Variants in MYO16 observed in about 807,000 individuals in gnomAD.
MYO16 encodes the protein myosin XVI.
MYO16 carries 94 observed loss-of-function variants against 205.3 expected under a neutral mutation model. The ratio of observed to expected loss-of-function variants is 0.46; its 90% CI spans 0.39 to 0.54. MYO16 has a LOEUF of 0.54. MYO16 is among the 20% of genes least tolerant of loss of function. The pLI is 0.00. For synonymous variants in MYO16, 988 were observed against 954.0 expected, an observed-to-expected ratio of 1.04 and a Z score of -0.66; for missense variants, 2,315 against 2,387.5, an observed-to-expected ratio of 0.97 and a Z score of 0.63.
chr13:108,781,639 T>A (rs1886307806), intron 4 of MYO16, among the ~76,000 whole-genome samples: 1 of 152,176 alleles, frequency 6.6e-6, no homozygotes, highest in South Asian at 2.1e-4. Context: ...TTTTACTGTC[T>A]TTCTCTGGGA....
In MYO16 at chr13:108,640,569, A is replaced by G. The variant is rs572226144; in HGVS notation, c.28+10697A>G. 1.5e-3 allele frequency among the ~76,000 whole-genome samples: 224 copies of G among 152,340 alleles called. 3 individuals are homozygous for G. Among genetic ancestry groups the G allele is most frequent in the Non-Finnish European group, 2.5e-3 (171 of 68,026 alleles). On this transcript the variant is annotated intron_variant, in intron 1 of 34. Transcript: ENST00000457511. ...AAATTTACTGCAGCAAAAGTAGGTC[A>G]CATGTGCTGATATGTGCATCTTCTT...
chr13:108,572,163 G>A, the MYO16 span, among the ~76,000 whole-genome samples: 8 of 152,090 alleles, frequency 5.3e-5, no homozygotes, highest in African/African-American at 1.9e-4. Context: ...CTGCCCTCAA[G>A]TGACTCTCCT....
chr13:108,665,853 G>A, intron 1 of MYO16, 33 bp from the exon 2 acceptor site: 1 of 1,598,118 alleles, frequency 6.3e-7, no homozygotes, highest in Non-Finnish European at 8.5e-7. Context: ...TATAATAATA[G>A]GTCTGGTGAC....
chr13:108,856,869 G>T (rs1476794011), intron 11 of MYO16, among the ~76,000 whole-genome samples: 2 of 152,100 alleles, frequency 1.3e-5, no homozygotes, highest in Non-Finnish European at 2.9e-5. Context: ...ATCTCACAAT[G>T]AACTAGAGTA....
chr13:108,699,385 T>A (rs1057291220), intron 2 of MYO16, among the ~76,000 whole-genome samples: 6 of 152,124 alleles, frequency 3.9e-5, no homozygotes, highest in African/African-American at 1.4e-4. Context: ...TGTCAGTTCT[T>A]TTTGTTTATT....
intron 9 of MYO16, among the ~76,000 whole-genome samples, chr13:108,828,348 G>A (rs1023697162): frequency 6.6e-6 from 1 of 152,106 alleles, no homozygotes; most frequent in African/African-American, 2.4e-5. Flanking sequence ...GTGCTTATGG[G>A]CAGAGACTCC....
chr13:109,046,916 G>A lies in MYO16; in HGVS notation c.2797G>A (p.Val933Ile), dbSNP rs1887062593. 1 of 1,599,896 alleles carries A rather than the reference G, an allele frequency of 6.3e-7. No individual in the cohort carries two copies. Among genetic ancestry groups the A allele is most frequent in the East Asian group, 2.2e-5 (1 of 44,698 alleles). ...ATTATGCTGCTTTCTTTTATTCTAG[G>A]TAATGTATGATGTTGTTGGGGCGAT... ...AFTIMHYAGR[V>I]MYDVVGAIEK... The change falls in exon 24 of 35, where the codon GTA becomes ATA. Residue 933 changes from valine (V) to isoleucine (I), a missense_variant and splice_region_variant. This residue lies in a region of MYO16 where 1,213 missense variants were observed against 1,274.4 expected (regional missense o/e 0.95). Coordinates refer to ENST00000457511, the MANE Select transcript of MYO16 (RefSeq NM_001198950.3).
chr13:108,702,341 A>T (rs964934045), intron 2 of MYO16, among the ~76,000 whole-genome samples: 1 of 152,228 alleles, frequency 6.6e-6, no homozygotes, highest in Admixed American at 6.5e-5. Flanking sequence ...CCTCCAGAAG[A>T]TTAACAGCTG....
At chr13:109,110,861 G>C (rs1889263381) in intron 28 of MYO16, among the ~76,000 whole-genome samples, 1 of 152,176 alleles carries the variant, frequency 6.6e-6, no homozygotes, top group Admixed American at 6.5e-5. Context: ...TGAGCTTGTT[G>C]AAAGGATAGA....
Position 108,959,116 on chromosome 13 carries a change from C to T in MYO16, c.2037+1317C>T, listed in dbSNP as rs190248267. 2.7e-3 allele frequency among the ~76,000 whole-genome samples: 407 copies of T among 152,200 alleles called. 1 individual carries two copies. The highest frequency in any genetic ancestry group is 4.7e-3 in the Non-Finnish European group (319 of 68,012). Reference sequence around the variant, plus strand: ...CACCCTAAATGAGTGAATGCAGGGGCACCTTGCTGCACCCACCCTTGCTGT... The same window carrying T: ...CACCCTAAATGAGTGAATGCAGGGGTACCTTGCTGCACCCACCCTTGCTGT... On this transcript the variant is annotated intron_variant, in intron 17 of 34. Transcript: ENST00000457511.
At chr13:108,882,184 C>T (rs1218261644) in intron 12 of MYO16, among the ~76,000 whole-genome samples, 1 of 152,172 alleles carries the variant, frequency 6.6e-6, no homozygotes, top group Non-Finnish European at 1.5e-5. Flanking sequence ...CAAAGGTATT[C>T]TCCTGTGTAA....
rs762356419 is a variant in MYO16, at chr13:108,785,672, A to G, written c.545A>G (p.Asn182Ser). 1.7e-5 allele frequency: 27 copies of G among 1,613,240 alleles called. No individual in the cohort carries two copies. The highest frequency in any genetic ancestry group is 2.2e-5 in the Non-Finnish European group (26 of 1,179,758). ...ANVLLQDVNG[N>S]IPLDYAVEGT... ...GTCCTTCTCCAGGATGTGAATGGAA[A>G]TATCCCATTAGATTATGCTGTAGAA... is the stretch of plus-strand genomic sequence containing the variant. Residue 182 changes from asparagine to serine, a missense_variant, in exon 5 of 35, where the codon AAT becomes AGT. By Grantham distance (46) the Asn-to-Ser change is conservative. Around this residue, in one of 3 missense-constraint regions of MYO16, gnomAD observed 1,213 missense variants for 1,274.4 expected, o/e 0.95. Coordinates refer to ENST00000457511, the MANE Select transcript of MYO16 (RefSeq NM_001198950.3).
chr13:108,615,873 T>C lies in MYO16; in HGVS notation c.-39+19634T>C, dbSNP rs190069351. ...ACTAAACAATCCATTAGTATAAAAG[T>C]GAAATACGCATATTTTTCTTTCCTG... is the stretch of plus-strand genomic sequence containing the variant. On this transcript the variant is annotated intron_variant, in intron 1 of 24. Coordinates refer to the MYO16 transcript ENST00000251041. Among the ~76,000 whole-genome samples, 15 of 152,302 alleles carry C rather than the reference T, an allele frequency of 9.8e-5. No individual in the cohort carries two copies. The East Asian group carries it at 2.3e-3, about 24-fold the overall frequency.
chr13:108,672,780 T>C (rs539371729), intron 2 of MYO16, among the ~76,000 whole-genome samples: 1 of 152,074 alleles, frequency 6.6e-6, no homozygotes, highest in African/African-American at 2.4e-5. Flanking sequence ...GAGAGAGAGA[T>C]AGAGAAATAG....
chr13:108,929,296 AT>A (rs1882147087), intron 16 of MYO16, among the ~76,000 whole-genome samples: 1 of 152,218 alleles, frequency 6.6e-6, no homozygotes, highest in African/African-American at 2.4e-5. Flanking sequence ...AGAAGGCAGC[AT>A]ATGCACAAGT....
intron 20 of MYO16, among the ~76,000 whole-genome samples, chr13:108,967,155 ATGTGTGTGTG>A (rs71204890): frequency 8.0e-6 from 1 of 124,490 alleles, no homozygotes; most frequent in East Asian, 2.0e-4. Context: ...GACTATATAT[ATGTGTGTGTG>A]TGTGTGTGTG....
Position 109,055,246 on chromosome 13 carries a change from T to TACACACAC in MYO16, c.3130-122_3130-115dup, listed in dbSNP as rs10557146. ...AATATCTTCACAAAAAAAGTAAACATACACACACACACACACACACACACA... is the reference window on the plus strand; with the variant it reads ...AATATCTTCACAAAAAAAGTAAACATACACACACACACACACACACACACACACACACA... On this transcript the variant is annotated intron_variant, in intron 26 of 34. Coordinates refer to ENST00000457511, the MANE Select transcript of MYO16 (RefSeq NM_001198950.3). The surrounding 1 kb of genome is among the most constrained non-coding windows in gnomAD (Gnocchi z 5.0). 2.4e-3 allele frequency: 1,556 copies of TACACACAC among 658,566 alleles called. 1 individual carries two copies. The highest frequency in any genetic ancestry group is 3.9e-3 in the Middle Eastern group (9 of 2,306). The allele number at this position is 658,566 out of a possible 1,614,324, so 40.8% of individuals were successfully genotyped here.
chr13:109,100,629 C>G (rs924287777), intron 27 of MYO16, among the ~76,000 whole-genome samples, 156 bp from the exon 28 acceptor site: 4 of 152,164 alleles, frequency 2.6e-5, no homozygotes, highest in African/African-American at 9.7e-5. Context: ...TTCCAGTTCC[C>G]TAGTAAATGC....
In MYO16 at chr13:108,739,945, G is replaced by A. The variant is rs187335371; in HGVS notation, c.507+12362G>A. On this transcript the variant is annotated intron_variant, in intron 4 of 34. Transcript: ENST00000457511. ...GATCAAATCGGTTACTGAAGCTTGT[G>A]CATTCATCACGTGGTTCTCGTGCCA... Among the ~76,000 whole-genome samples, 7 of 152,290 alleles carry A rather than the reference G, an allele frequency of 4.6e-5. No individual in the cohort carries two copies. In the East Asian group the frequency reaches 1.4e-3, roughly 29 times the overall value.
Sources: allele counts gnomAD v4.1 joint callset (sites outside exome capture counted in the v4.1 genomes callset), GRCh38; gene constraint gnomAD v4.1.1; regional missense constraint gnomAD v4.1.1; non-coding constraint Gnocchi (gnomAD v3.1); transcripts MANE v1.5; gene names NCBI Gene and HGNC (gene_info 2026-07-23, HGNC 2026-07-21).